TUSC3: variants seen among roughly 807,000 people sequenced by gnomAD.
TUSC3 encodes the protein dolichyl-diphosphooligosaccharide--protein glycosyltransferase subunit TUSC3.
Under a neutral mutation model 44.8 loss-of-function variants are expected in TUSC3, and 45 were observed. The ratio of observed to expected loss-of-function variants is 1.00; its 90% CI spans 0.79 to 1.29. The LOEUF is 1.29. Among genes scored for constraint, TUSC3 ranks in the 50% most tolerant of loss-of-function variants. The pLI, the probability that TUSC3 is intolerant of heterozygous loss-of-function variation, is 0.00. For synonymous variants in TUSC3, 212 were observed against 152.9 expected, an observed-to-expected ratio of 1.39 and a Z score of -2.85; for missense variants, 519 against 437.9, an observed-to-expected ratio of 1.19 and a Z score of -1.65.
At chr8:15,658,066 T>C (rs113610929) in intron 3 of TUSC3, among the ~76,000 whole-genome samples, 2 of 152,220 alleles carry the variant, frequency 1.3e-5, no homozygotes, top group East Asian at 1.9e-4. Flanking sequence ...AGCTTCCACG[T>C]CTTAATATTG....
At chr8:15,758,027 C>G (rs980959818) in intron 10 of TUSC3, 172 bp downstream of exon 10, 15 of 1,410,564 alleles carry the variant, frequency 1.1e-5, no homozygotes, top group Admixed American at 2.9e-5. Flanking sequence ...TTATCTGCCA[C>G]AGGGAGAAGT....
the TUSC3 span, among the ~76,000 whole-genome samples, chr8:15,847,477 G>C: frequency 2.0e-5 from 3 of 152,070 alleles, no homozygotes; most frequent in African/African-American, 7.2e-5. Context: ...CACTGTGCTT[G>C]ACTGGGCTCC....
intron 6 of TUSC3, among the ~76,000 whole-genome samples, chr8:15,683,821 T>G (rs4319097): frequency 0.21 from 31,823 of 152,074 alleles, 4,255 homozygotes; most frequent in Non-Finnish European, 0.3. Context: ...TTTATGTTCT[T>G]TTTTCCTTGA....
chr8:15,685,960 A>T (rs1808612003), intron 6 of TUSC3, among the ~76,000 whole-genome samples: 1 of 152,168 alleles, frequency 6.6e-6, no homozygotes, highest in Non-Finnish European at 1.5e-5. Flanking sequence ...AGATATTGAC[A>T]AAGTGTTTCT....
At chr8:15,665,151 C>T (rs1421935182) in intron 5 of TUSC3, among the ~76,000 whole-genome samples, 2 of 151,482 alleles carry the variant, frequency 1.3e-5, no homozygotes, top group Non-Finnish European at 3.0e-5. Flanking sequence ...ATATTGTCAT[C>T]TGACTTACAC....
At position 15,523,694 on chromosome 8, in the gene TUSC3, G is replaced by GTATATATA. The variant is rs1563273670; in HGVS notation, n.189+40212_189+40213insATATATAT. 7.7e-4 allele frequency among the ~76,000 whole-genome samples: 34 copies of GTATATATA among 44,322 alleles called. 1 individual carries two copies. The highest frequency in any genetic ancestry group is 2.5e-3 in the African/African-American group (32 of 12,560). 29.1% of individuals were successfully genotyped at this position (44,322 alleles called of 152,430 possible). ...TGTGTGTGTGTGTGTGTGTGTGTGTGTGTGTGTGTGTGTGTATATATATAT... is the reference window on the plus strand; with the variant it reads ...TGTGTGTGTGTGTGTGTGTGTGTGTGTATATATATGTGTGTGTGTGTGTATATATATAT... On this transcript the variant is annotated intron_variant and non_coding_transcript_variant, in intron 2 of 5. Transcript: ENST00000503191.
intron 1 of TUSC3, among the ~76,000 whole-genome samples, chr8:15,621,858 C>G (rs1483259308): frequency 6.6e-6 from 1 of 151,216 alleles, no homozygotes; most frequent in Non-Finnish European, 1.5e-5. Context: ...TCTGAATGTT[C>G]TCTCTCTGCA....
chr8:15,753,962 A>G (rs973585433), intron 9 of TUSC3, among the ~76,000 whole-genome samples: 8 of 152,236 alleles, frequency 5.3e-5, no homozygotes, highest in Middle Eastern at 3.4e-3. Flanking sequence ...GAAAGGTGAG[A>G]TACTGATAAA....
intron 10 of TUSC3, among the ~76,000 whole-genome samples, chr8:15,760,835 T>A (rs1324880301): frequency 6.6e-6 from 1 of 152,198 alleles, no homozygotes; most frequent in African/African-American, 2.4e-5. Context: ...CTGAATATGT[T>A]CCCATACTTT....
At chr8:15,732,369 C>T (rs1329862740) in intron 7 of TUSC3, among the ~76,000 whole-genome samples, 1 of 152,120 alleles carries the variant, frequency 6.6e-6, no homozygotes, top group African/African-American at 2.4e-5. Context: ...AAGGGGCATT[C>T]CCCTGCACAT....
chr8:15,663,961 T>C (rs148643802), intron 5 of TUSC3, among the ~76,000 whole-genome samples: 24 of 152,004 alleles, frequency 1.6e-4, no homozygotes, highest in African/African-American at 5.5e-4. Flanking sequence ...CAAAAATTGA[T>C]GTAGTCTCAT....
chr8:15,555,937 G>T (rs1053931448), intron 1 of TUSC3, among the ~76,000 whole-genome samples: 4 of 151,044 alleles, frequency 2.6e-5, no homozygotes, highest in African/African-American at 7.3e-5. Context: ...TATGCTTTCT[G>T]GATATAAATG....
At chr8:15,504,789 A>T (rs966131327) in intron 2 of TUSC3, among the ~76,000 whole-genome samples, 12 of 150,470 alleles carry the variant, frequency 8.0e-5, no homozygotes, top group African/African-American at 2.9e-4. Flanking sequence ...AGTAGCCGGA[A>T]CTACAGGTGC....
Position 15,449,454 on chromosome 8 carries a change from G to A in TUSC3, n.91+32149G>A, listed in dbSNP as rs772747924. ...CAGAACCACCCCGCCATGGCTGGTG[G>A]TCTCTTACCAGGAAGGAATGCTGGT... On this transcript the variant is annotated intron_variant and non_coding_transcript_variant, in intron 1 of 5. Coordinates refer to the TUSC3 transcript ENST00000503191. 1.4e-3 allele frequency among the ~76,000 whole-genome samples: 208 copies of A among 152,114 alleles called. 3 individuals carry two copies. The highest frequency in any genetic ancestry group is 3.2e-3 in the Middle Eastern group (1 of 316).
Position 15,725,913 on chromosome 8 carries a change from TTAAG to T in TUSC3, c.799-4749_799-4746del, listed in dbSNP as rs145105206. Among the ~76,000 whole-genome samples the T allele has an allele frequency of 6.0e-3, 913 of 152,278 alleles. 7 individuals carry two copies. The highest frequency in any genetic ancestry group is 0.021 in the African/African-American group (872 of 41,548). On this transcript the variant is annotated intron_variant, in intron 6 of 10. Transcript: ENST00000503731. ...ACTGAGGCCCAAATTACTGAACTGA[TTAAG>T]TAACAACTACTTCATTAAATTGAAT...
chr8:15,540,061 A>G (rs1372922792), upstream of TUSC3, among the ~76,000 whole-genome samples: 1 of 152,160 alleles, frequency 6.6e-6, no homozygotes, highest in Admixed American at 6.5e-5. Context: ...CTACCCAGTA[A>G]TTGGGTTCAG....
chr8:15,575,221 A>G (rs1803049800), intron 1 of TUSC3, among the ~76,000 whole-genome samples: 1 of 152,118 alleles, frequency 6.6e-6, no homozygotes, highest in South Asian at 2.1e-4. Context: ...ATTAAAGTGG[A>G]TTTTGTGTAC....
Position 15,540,577 on chromosome 8 carries a change from G to A in TUSC3, c.138+9G>A, listed in dbSNP as rs1405399708. ...GACAGAAGAAAAAGGAGGTAGAATG[G>A]ATCCCCTTGGCCTTCCCCTGTGGGC... On this transcript the variant is annotated intron_variant, in intron 1 of 10. Transcript: ENST00000503731. The A allele has an allele frequency of 3.2e-6, 5 of 1,573,994 alleles. No individual in the cohort carries two copies. The highest frequency in any genetic ancestry group is 4.3e-6 in the Non-Finnish European group (5 of 1,160,070).
chr8:15,577,446 G>A (rs1028600392), intron 1 of TUSC3, among the ~76,000 whole-genome samples: 1 of 151,604 alleles, frequency 6.6e-6, no homozygotes, highest in Non-Finnish European at 1.5e-5. Flanking sequence ...TATGGTTTTA[G>A]CTCTAATGTT....
Sources: allele counts gnomAD v4.1 joint callset (sites outside exome capture counted in the v4.1 genomes callset), GRCh38; gene constraint gnomAD v4.1.1; transcripts MANE v1.5; gene names NCBI Gene and HGNC (gene_info 2026-07-23, HGNC 2026-07-21).